The following MTAP variants were observed in gnomAD, a reference collection of about 807,000 sequenced individuals.
MTAP encodes S-methyl-5'-thioadenosine phosphorylase.
MTAP carries 33 observed loss-of-function variants against 33.6 expected under a neutral mutation model. That is an observed-to-expected ratio of 0.98 (90% CI 0.74 to 1.31). The LOEUF (loss-of-function observed/expected upper bound fraction) is 1.31, where lower values mean the gene tolerates loss of function less well. Ranked by LOEUF, MTAP falls within the 40% of genes most tolerant of loss-of-function variation. MTAP has a pLI of 0.00. For missense variants in MTAP, 367 were observed against 360.0 expected (o/e 1.02, Z -0.16); for synonymous variants, 148 against 125.7 (o/e 1.18, Z -1.19).
At chr9:21,914,550 G>C (rs538076227) in intron 1 of MTAP, among the ~76,000 whole-genome samples, 3 of 149,862 alleles carry the variant, frequency 2.0e-5, no homozygotes, top group East Asian at 2.0e-4. Flanking sequence ...CAAACACCGC[G>C]TGTTCTCACT....
downstream of MTAP, chr9:21,935,538 C>T (rs1321914958): frequency 6.6e-6 from 1 of 151,858 alleles, no homozygotes; most frequent in Non-Finnish European, 1.5e-5. Flanking sequence ...AGGGTCACAT[C>T]CCCTGGGCAT....
intron 1 of MTAP, among the ~76,000 whole-genome samples, chr9:21,918,734 T>A (rs1041303454): frequency 6.6e-6 from 1 of 152,104 alleles, no homozygotes; most frequent in Admixed American, 6.6e-5. Flanking sequence ...GATCTGATGG[T>A]TTTATAAAGG....
rs1825594482 is a variant in MTAP at position 21,854,681 on chromosome 9, G to C, written c.501G>C (p.Gly167=). 6.2e-7 allele frequency: 1 copy of C among 1,613,332 alleles called. No homozygotes were observed. The highest frequency in any genetic ancestry group is 8.5e-7 in the Non-Finnish European group (1 of 1,179,546). The part of the protein sequence containing the change: ...KKLGLRCHSK[G]TMVTIEGPRF... ...TAGGACTCCGGTGCCACTCAAAGGG[G>C]ACAATGGTCACAATCGAGGGACCTC... The change falls in exon 6 of 8, where the codon GGG becomes GGC. Residue 167 remains glycine (G), a synonymous_variant. Coordinates refer to ENST00000644715, the MANE Select transcript of MTAP (RefSeq NM_002451.4).
intron 1 of MTAP, among the ~76,000 whole-genome samples, chr9:21,911,364 A>C (rs1818573599): frequency 6.6e-6 from 1 of 152,208 alleles, no homozygotes; most frequent in Non-Finnish European, 1.5e-5. Context: ...TCCAAAATTG[A>C]CCACATAGTT....
chr9:21,909,595 A>C (rs1047745079), intron 1 of MTAP, among the ~76,000 whole-genome samples: 9 of 152,128 alleles, frequency 5.9e-5, no homozygotes, highest in Non-Finnish European at 1.3e-4. Context: ...GTTGTGTAAG[A>C]GGCATACTAA....
intron 4 of MTAP, among the ~76,000 whole-genome samples, chr9:21,825,817 G>C (rs1397055854): frequency 1.3e-5 from 2 of 152,118 alleles, no homozygotes; most frequent in African/African-American, 2.4e-5. Context: ...CTCCAGCCTG[G>C]GTGACAGCAA....
Position 21,865,423 on chromosome 9 carries a change from C to T in MTAP, c.*3409C>T. 1 of 982,332 alleles carries T rather than the reference C, an allele frequency of 1.0e-6. No homozygotes were observed. The highest frequency in any genetic ancestry group is 1.2e-6 in the Non-Finnish European group (1 of 827,120). 60.9% of individuals were successfully genotyped at this position (982,332 alleles called of 1,614,324 possible). On this transcript the variant is annotated 3_prime_UTR_variant, in exon 8 of 8. Transcript: ENST00000644715. ...AGTCATGGGCAGTCCTTTACAGCAG[C>T]ATGAGAATGGACTAATACACTCCTC... is the stretch of plus-strand genomic sequence containing the variant.
At chr9:21,846,573 A>C (rs1372633466) in intron 5 of MTAP, among the ~76,000 whole-genome samples, 1 of 152,234 alleles carries the variant, frequency 6.6e-6, no homozygotes, top group African/African-American at 2.4e-5. Flanking sequence ...CATAATTTAA[A>C]CATCAAAAAA....
downstream of MTAP, among the ~76,000 whole-genome samples, chr9:21,868,911 G>A (rs1490585244): frequency 6.6e-6 from 1 of 152,138 alleles, no homozygotes; most frequent in Non-Finnish European, 1.5e-5. Flanking sequence ...AGCATGGCCT[G>A]ATAATTTGCA....
At chr9:21,804,037 G>A (rs1050805078) in intron 1 of MTAP, among the ~76,000 whole-genome samples, 5 of 152,174 alleles carry the variant, frequency 3.3e-5, no homozygotes, top group East Asian at 1.9e-4. Flanking sequence ...ATTGTTTGGC[G>A]GAAACAAGGC....
chr9:21,818,040 G>C lies in MTAP; in HGVS notation c.185G>C (p.Gly62Ala). Residue 62 changes from glycine (G) to alanine (A), a missense_variant, in exon 4 of 8, where the codon GGA (glycine) becomes GCA (alanine). Coordinates refer to ENST00000644715, the MANE Select transcript of MTAP (RefSeq NM_002451.4). ...NVDCVLLARH[G>A]RQHTIMPSKV... Reference sequence around the variant, plus strand: ...TTTCTTCTCTCCTTCCATAGGCATGGAAGGCAGCACACCATCATGCCTTCA... The same window carrying C: ...TTTCTTCTCTCCTTCCATAGGCATGCAAGGCAGCACACCATCATGCCTTCA... 5 of 1,610,218 alleles carry C rather than the reference G, an allele frequency of 3.1e-6. No individual in the cohort carries two copies. Among genetic ancestry groups the C allele is most frequent in the Non-Finnish European group, 4.2e-6 (5 of 1,178,568 alleles).
chr9:21,868,906 G>A (rs1161260728), downstream of MTAP, among the ~76,000 whole-genome samples: 1 of 152,122 alleles, frequency 6.6e-6, no homozygotes, highest in Non-Finnish European at 1.5e-5. Context: ...TCTGGAGCAT[G>A]GCCTGATAAT....
At position 21,811,676 on chromosome 9, in the gene MTAP, T is replaced by C; in HGVS notation, c.34-3757T>C. ...CTCTTCCTCCTCAGCCGTGGCCTCC[T>C]GCTACTGCTGGTACTCAGACACCAG... On this transcript the variant is annotated intron_variant, in intron 1 of 7. Coordinates refer to ENST00000644715, the MANE Select transcript of MTAP (RefSeq NM_002451.4). 9.4e-6 allele frequency: 5 copies of C among 530,500 alleles called. No homozygotes were observed. In the Admixed American group the frequency reaches 9.7e-5, roughly 10 times the overall value. 32.9% of individuals were successfully genotyped at this position (530,500 alleles called of 1,614,324 possible). A position where few individuals can be genotyped will look rare whatever the true frequency, so the allele number is the denominator to read the frequency against.
chr9:21,819,280 T>C (rs1198667354), intron 4 of MTAP, among the ~76,000 whole-genome samples: 2 of 152,140 alleles, frequency 1.3e-5, no homozygotes, highest in African/African-American at 4.8e-5. Context: ...CCTGATGCTT[T>C]CCCTCCCCAC....
intron 1 of MTAP, chr9:21,808,870 A>G (rs1163857849): frequency 6.6e-6 from 1 of 152,254 alleles, no homozygotes; most frequent in Non-Finnish European, 1.5e-5. Context: ...AGATTGGGAC[A>G]CGGACACATA....
intron 1 of MTAP, among the ~76,000 whole-genome samples, chr9:21,889,345 C>T (rs1289799127): frequency 6.6e-6 from 1 of 151,792 alleles, no homozygotes; most frequent in Non-Finnish European, 1.5e-5. Flanking sequence ...CTGCTACCTT[C>T]TTCAGTAGCT....
chr9:21,940,508 A>T (rs1189672458), downstream of MTAP, among the ~76,000 whole-genome samples: 2 of 152,256 alleles, frequency 1.3e-5, no homozygotes, highest in South Asian at 2.1e-4. Context: ...CTACTTGTAA[A>T]CTGAACTGGA....
At position 21,890,530 on chromosome 9, in the gene MTAP, G is replaced by A. The variant is rs574861206; in HGVS notation, c.147+35660G>A. On this transcript the variant is annotated intron_variant, in intron 1 of 1. Coordinates refer to the MTAP transcript ENST00000577563. ...AACTGGACGTTTTCTTCTCTCTGTG[G>A]TTCTTTCCGAATTCCACTGGCAGCC... 6.6e-5 allele frequency among the ~76,000 whole-genome samples: 10 copies of A among 152,276 alleles called. No homozygotes were observed. In the East Asian group the frequency reaches 1.2e-3, roughly 18 times the overall value.
In MTAP at chr9:21,865,336, G is replaced by C. The variant is rs1825836223; in HGVS notation, c.*3322G>C. On this transcript the variant is annotated 3_prime_UTR_variant, in exon 8 of 8. Transcript: ENST00000644715. ...CTTCTGCCACGATTGTAAGTTTCCT[G>C]AGGCCTTCCCAGCTATGTGGAACTG... 1.4e-6 allele frequency: 1 copy of C among 691,012 alleles called. No homozygotes were observed. Among genetic ancestry groups the C allele is most frequent in the Non-Finnish European group, 1.8e-6 (1 of 561,588 alleles). 42.8% of individuals were successfully genotyped at this position (691,012 alleles called of 1,614,324 possible). A position where few individuals can be genotyped will look rare whatever the true frequency, so the allele number is the denominator to read the frequency against.
Sources: allele counts gnomAD v4.1 joint callset (sites outside exome capture counted in the v4.1 genomes callset), GRCh38; gene constraint gnomAD v4.1.1; transcripts MANE v1.5; gene names NCBI Gene and HGNC (gene_info 2026-07-23, HGNC 2026-07-21).